The following DGKB variants were observed in gnomAD, a reference collection of about 807,000 sequenced individuals.
The protein encoded by DGKB is diacylglycerol kinase beta, also known as 90 kDa diacylglycerol kinase.
In DGKB, 67 loss-of-function variants were observed where a neutral mutation model predicts 114.3. The observed-to-expected ratio is 0.59, with a 90% CI of 0.48 to 0.72. The LOEUF is 0.72. Among genes scored for constraint, DGKB ranks in the 30% least tolerant of loss-of-function variants. The pLI is 0.00. For missense variants in DGKB, 907 were observed against 975.2 expected, an observed-to-expected ratio of 0.93 and a Z score of 0.93; for synonymous variants, 398 against 323.1, an observed-to-expected ratio of 1.23 and a Z score of -2.49.
At chr7:14,460,645 C>T (rs1460558817) in intron 21 of DGKB, among the ~76,000 whole-genome samples, 1 of 152,046 alleles carries the variant, frequency 6.6e-6, no homozygotes, top group Non-Finnish European at 1.5e-5. Context: ...GACTCCCACA[C>T]AATAATAATG....
chr7:14,588,832 C>T (rs1381500994), intron 17 of DGKB, among the ~76,000 whole-genome samples: 3 of 152,066 alleles, frequency 2.0e-5, no homozygotes, highest in Non-Finnish European at 4.4e-5. Flanking sequence ...AAGTCCATAT[C>T]TCAGGGCATG....
At chr7:14,708,459 A>C (rs1476867090) in intron 6 of DGKB, among the ~76,000 whole-genome samples, 3 of 146,656 alleles carry the variant, frequency 2.0e-5, no homozygotes, top group African/African-American at 7.9e-5. Context: ...AATTGGAAAA[A>C]ACTACTTTAA....
intron 21 of DGKB, among the ~76,000 whole-genome samples, chr7:14,359,815 C>G (rs189047749): frequency 6.6e-6 from 1 of 152,238 alleles, no homozygotes; most frequent in African/African-American, 2.4e-5. Context: ...CAGGAAACAA[C>G]AGATGCTGGA....
intron 20 of DGKB, among the ~76,000 whole-genome samples, chr7:14,572,095 C>T (rs1252924142): frequency 6.6e-6 from 1 of 152,032 alleles, no homozygotes. Context: ...TTTGACTTCA[C>T]AGACAAATAC....
At chr7:14,729,766 T>C (rs1830649621) in intron 5 of DGKB, among the ~76,000 whole-genome samples, 2 of 152,200 alleles carry the variant, frequency 1.3e-5, no homozygotes, top group South Asian at 4.1e-4. Context: ...ACAATATTTA[T>C]TTTATTATAA....
chr7:14,903,978 A>G (rs1003983688), upstream of DGKB, among the ~76,000 whole-genome samples: 2 of 152,136 alleles, frequency 1.3e-5, no homozygotes, highest in Non-Finnish European at 2.9e-5. Flanking sequence ...GACTCTGGTA[A>G]AACCAACTTG....
chr7:14,531,614 G>C (rs1791594526), intron 20 of DGKB, among the ~76,000 whole-genome samples: 2 of 151,100 alleles, frequency 1.3e-5, no homozygotes, highest in Non-Finnish European at 3.0e-5. Context: ...TGCCAAGATA[G>C]TAATTGTGAA....
chr7:14,964,384 CA>C (rs1411802886), intron 1 of DGKB, among the ~76,000 whole-genome samples: 2 of 152,054 alleles, frequency 1.3e-5, no homozygotes, highest in African/African-American at 4.8e-5. Flanking sequence ...CCTGTGGTCC[CA>C]GCTACTTGGG....
At chr7:14,479,345 A>G (rs1375071253) in intron 20 of DGKB, among the ~76,000 whole-genome samples, 1 of 152,148 alleles carries the variant, frequency 6.6e-6, no homozygotes, top group Non-Finnish European at 1.5e-5. Flanking sequence ...AGAGGGACCA[A>G]TGCCCACTGC....
intron 13 of DGKB, among the ~76,000 whole-genome samples, chr7:14,666,980 A>G (rs1818143769): frequency 6.6e-6 from 1 of 152,004 alleles, no homozygotes; most frequent in South Asian, 2.1e-4. Context: ...ACACCATATG[A>G]TAATAATTTT....
chr7:14,724,967 T>C (rs6461121), intron 5 of DGKB, among the ~76,000 whole-genome samples: 69,390 of 151,990 alleles, frequency 0.46, 16,825 homozygotes, highest in East Asian at 0.88. Context: ...TCCAGGAGTT[T>C]GAGCCCAACC....
chr7:14,558,090 T>C (rs1454039964), intron 20 of DGKB, among the ~76,000 whole-genome samples: 4 of 150,594 alleles, frequency 2.7e-5, no homozygotes, highest in African/African-American at 7.3e-5. Context: ...TGTCTCTTTA[T>C]ATATATCTAT....
intron 23 of DGKB, among the ~76,000 whole-genome samples, chr7:14,255,269 A>G (rs1795797416): frequency 6.6e-6 from 1 of 152,158 alleles, no homozygotes; most frequent in African/African-American, 2.4e-5. Flanking sequence ...GGAAAAAATA[A>G]AATAATTTAG....
chr7:14,512,247 A>C (rs1788089898), intron 20 of DGKB, among the ~76,000 whole-genome samples: 1 of 152,202 alleles, frequency 6.6e-6, no homozygotes, highest in Admixed American at 6.5e-5. Flanking sequence ...ATGTTTGCAA[A>C]ACATGAAACA....
intron 21 of DGKB, among the ~76,000 whole-genome samples, chr7:14,445,107 T>C (rs929334194): frequency 7.9e-5 from 12 of 152,012 alleles, no homozygotes; most frequent in Middle Eastern, 3.4e-3. Context: ...CATTCTTTCT[T>C]TGAGAAAATA....
intron 21 of DGKB, among the ~76,000 whole-genome samples, chr7:14,427,226 G>C (rs1198723186): frequency 1.3e-5 from 2 of 152,034 alleles, no homozygotes; most frequent in Non-Finnish European, 2.9e-5. Flanking sequence ...TGTACGTCCT[G>C]AACAGGGGCA....
At chr7:14,279,628 T>G (rs1355383784) in intron 23 of DGKB, among the ~76,000 whole-genome samples, 1 of 151,982 alleles carries the variant, frequency 6.6e-6, no homozygotes, top group African/African-American at 2.4e-5. Context: ...GATCCGCTGT[T>G]AGTCTGATGG....
At chr7:14,715,881 C>T (rs572510814) in intron 6 of DGKB, among the ~76,000 whole-genome samples, 1 of 152,248 alleles carries the variant, frequency 6.6e-6, no homozygotes, top group South Asian at 2.1e-4. Context: ...GTGAGGACTT[C>T]CTGTAATCAG....
At chr7:14,377,627 CCA>C (rs1247179599) in intron 21 of DGKB, among the ~76,000 whole-genome samples, 1 of 152,072 alleles carries the variant, frequency 6.6e-6, no homozygotes, top group Admixed American at 6.6e-5. Flanking sequence ...ACAAACGCAG[CCA>C]AAAAGGTTGC....
Sources: allele counts gnomAD v4.1 joint callset (sites outside exome capture counted in the v4.1 genomes callset), GRCh38; gene constraint gnomAD v4.1.1; transcripts MANE v1.5; gene names NCBI Gene and HGNC (gene_info 2026-07-23, HGNC 2026-07-21).